The following KALRN variants were observed in gnomAD, a reference collection of about 807,000 sequenced individuals.
KALRN encodes kalirin RhoGEF kinase.
A neutral mutation model predicts 353.7 loss-of-function variants in KALRN; 70 were observed. That is an observed-to-expected ratio of 0.20 (90% confidence interval 0.16 to 0.24). KALRN has a LOEUF of 0.24. KALRN is among the 10% of genes least tolerant of loss of function. KALRN has a pLI of 1.00. For synonymous variants in KALRN, 1,391 were observed against 1,434.8 expected (o/e 0.97, Z 0.69); for missense variants, 2,791 against 3,756.7 (o/e 0.74, Z 6.72).
intron 33 of KALRN, among the ~76,000 whole-genome samples, chr3:124,543,176 G>A (rs2069229214): frequency 6.6e-6 from 1 of 152,028 alleles, no homozygotes; most frequent in African/African-American, 2.4e-5. Flanking sequence ...CAGAGGTCAC[G>A]CATCAACACT....
intron 28 of KALRN, among the ~76,000 whole-genome samples, chr3:124,483,484 G>A (rs1194007096): frequency 1.3e-5 from 2 of 152,144 alleles, no homozygotes; most frequent in African/African-American, 2.4e-5. Context: ...CCCAGGAGGC[G>A]GAGGTTGCAG....
intron 1 of KALRN, among the ~76,000 whole-genome samples, chr3:124,076,449 G>C (rs1041711234): frequency 7.2e-5 from 11 of 152,198 alleles, no homozygotes; most frequent in Non-Finnish European, 1.3e-4. Context: ...CTTGTGCCTT[G>C]TTGAGGGTGT....
At position 124,567,415 on chromosome 3, in the gene KALRN, C is replaced by A. The variant is rs186449146; in HGVS notation, c.5182+4326C>A. Among the ~76,000 whole-genome samples, 25 of 152,258 alleles carry A rather than the reference C, an allele frequency of 1.6e-4. No individual in the cohort carries two copies. In the East Asian group the frequency reaches 4.6e-3, roughly 28 times the overall value. The stretch of plus-strand genomic sequence containing the variant: ...TTCCCTCCTCTGCCTTCTGTGGGAG[C>A]AGTGGTTGGTTATTTCCTCCTGATA... On this transcript the variant is annotated intron_variant, in intron 34 of 59. Transcript: ENST00000682506.
At chr3:124,196,622 C>T (rs2075458258) in intron 1 of KALRN, among the ~76,000 whole-genome samples, 1 of 152,092 alleles carries the variant, frequency 6.6e-6, no homozygotes. Flanking sequence ...ATTTTGTTTT[C>T]TTGATCATCT....
In KALRN at chr3:124,671,646, C is replaced by G; in HGVS notation, c.6704-14C>G. 1.3e-6 allele frequency: 2 copies of G among 1,587,238 alleles called. No individual in the cohort carries two copies. Among genetic ancestry groups the G allele is most frequent in the Non-Finnish European group, 1.7e-6 (2 of 1,155,682 alleles). ...TCCCAAAGCTTAGAGTAACCACCTG[C>G]TCTTATCCCACAGCACTGCAATCGC... On this transcript the variant is annotated splice_polypyrimidine_tract_variant and intron_variant, in intron 47 of 59. Coordinates refer to ENST00000682506, the MANE Select transcript of KALRN (RefSeq NM_001388419.1).
chr3:124,345,458 G>A (rs1423964057), intron 9 of KALRN, among the ~76,000 whole-genome samples: 1 of 152,108 alleles, frequency 6.6e-6, no homozygotes, highest in Non-Finnish European at 1.5e-5. Context: ...GAGAAACGCA[G>A]GCTCTTCTAA....
intron 25 of KALRN, among the ~76,000 whole-genome samples, chr3:124,470,795 ACTCG>A (rs765882166): frequency 1.3e-5 from 2 of 152,172 alleles, no homozygotes; most frequent in African/African-American, 2.4e-5. Context: ...AAAGTCTGAT[ACTCG>A]CCCCAAAAGT....
intron 3 of KALRN, among the ~76,000 whole-genome samples, chr3:124,247,738 C>G (rs2070516699): frequency 6.6e-6 from 1 of 152,084 alleles, no homozygotes; most frequent in African/African-American, 2.4e-5. Context: ...CCTTTCCAGA[C>G]AATATTTTCT....
At chr3:124,526,014 G>A (rs2067560385) in intron 33 of KALRN, among the ~76,000 whole-genome samples, 1 of 152,210 alleles carries the variant, frequency 6.6e-6, no homozygotes, top group African/African-American at 2.4e-5. Flanking sequence ...TAATGGCACA[G>A]CAATATGTTG....
intron 34 of KALRN, among the ~76,000 whole-genome samples, chr3:124,630,945 A>G (rs2080705984): frequency 6.6e-6 from 1 of 151,764 alleles, no homozygotes; most frequent in South Asian, 2.1e-4. Context: ...CATCCTCTCT[A>G]ATTAGGCCAT....
rs548478443 is a variant in KALRN, at chr3:124,722,545, G to A, written c.*3075G>A. On this transcript the variant is annotated 3_prime_UTR_variant, in exon 60 of 60. Coordinates refer to ENST00000682506, the MANE Select transcript of KALRN (RefSeq NM_001388419.1). ...GGTCCCTCCCAACAGAGATAAGAGA[G>A]TAGTCTTGGTTCAAGAGTTCTCCAC... 1.3e-5 allele frequency: 2 copies of A among 152,278 alleles called. No individual in the cohort carries two copies. Among genetic ancestry groups the A allele is most frequent in the South Asian group, 4.2e-4 (2 of 4,808 alleles). The allele number at this position is 152,278 out of a possible 1,614,324, so 9.4% of individuals were successfully genotyped here.
chr3:124,243,353 C>T (rs900024992), intron 3 of KALRN, among the ~76,000 whole-genome samples: 11 of 152,200 alleles, frequency 7.2e-5, no homozygotes, highest in African/African-American at 1.9e-4. Context: ...GCTTCAAATG[C>T]GGAGAGACAC....
intron 15 of KALRN, among the ~76,000 whole-genome samples, chr3:124,427,001 G>C (rs1163245239): frequency 3.3e-5 from 5 of 152,134 alleles, no homozygotes; most frequent in Non-Finnish European, 1.5e-5. Flanking sequence ...TAAAGACATT[G>C]GCTTAATTTG....
intron 33 of KALRN, among the ~76,000 whole-genome samples, chr3:124,501,427 A>G (rs777663521): frequency 3.9e-5 from 6 of 152,216 alleles, no homozygotes; most frequent in Admixed American, 6.5e-5. Flanking sequence ...TATCACATCA[A>G]TGTAGTGGGT....
In KALRN at chr3:124,385,001, G is replaced by A; in HGVS notation, c.1927G>A (p.Asp643Asn). Reference sequence around the variant, plus strand: ...GGTGGAGCAGCGGAAGCTTCTCCTGGACATGTCTGTTTCCTTCCACACACA... The same window carrying A: ...GGTGGAGCAGCGGAAGCTTCTCCTGAACATGTCTGTTTCCTTCCACACACA... Reference protein sequence around the residue: ...RRVEQRKLLLDMSVSFHTHTK... With the variant: ...RRVEQRKLLLNMSVSFHTHTK... The change falls in exon 11 of 60, where the codon GAC (aspartate) becomes AAC (asparagine). Residue 643 changes from aspartate to asparagine, a missense_variant. Asp to Asn is a conservative substitution (Grantham distance 23). Transcript: ENST00000682506. 1 of 1,612,006 alleles carries A rather than the reference G, an allele frequency of 6.2e-7. No individual in the cohort carries two copies. Among genetic ancestry groups the A allele is most frequent in the Non-Finnish European group, 8.5e-7 (1 of 1,178,906 alleles).
intron 10 of KALRN, among the ~76,000 whole-genome samples, chr3:124,370,513 A>G (rs1360855411): frequency 1.3e-5 from 2 of 152,236 alleles, no homozygotes; most frequent in Non-Finnish European, 2.9e-5. Context: ...TGCCTTGAGC[A>G]TCCCAAGAAA....
At chr3:124,088,474 G>A (rs2060939976) in intron 1 of KALRN, among the ~76,000 whole-genome samples, 1 of 152,214 alleles carries the variant, frequency 6.6e-6, no homozygotes, top group African/African-American at 2.4e-5. Flanking sequence ...ACTTGGAGTA[G>A]TGACTTGACT....
intron 1 of KALRN, among the ~76,000 whole-genome samples, chr3:124,094,495 A>G (rs192851700): frequency 1.1e-4 from 16 of 152,288 alleles, no homozygotes; most frequent in African/African-American, 3.6e-4. Flanking sequence ...TAAGACATGG[A>G]CTTGACTGTG....
chr3:124,640,282 CTTTCTT>C (rs2081892519), intron 37 of KALRN, among the ~76,000 whole-genome samples: 1 of 134,820 alleles, frequency 7.4e-6, no homozygotes, highest in Non-Finnish European at 1.6e-5. Context: ...TCGATTCTTT[CTTTCTT>C]TTTTTTTTTT....
Sources: gnomAD v4.1 joint callset for allele counts (sites outside exome capture counted in the v4.1 genomes callset) on GRCh38, gnomAD v4.1.1 for gene constraint, MANE v1.5 for transcripts, NCBI Gene and HGNC (gene_info 2026-07-23, HGNC 2026-07-21) for gene names.